BEGAIN: variants seen among roughly 807,000 people sequenced by gnomAD.
BEGAIN encodes the protein brain enriched guanylate kinase associated, also known as brain-enriched guanylate kinase-associated protein.
In BEGAIN, 19 loss-of-function variants were observed where a neutral mutation model predicts 35.8. That is an observed-to-expected ratio of 0.53 (90% CI 0.37 to 0.78). BEGAIN has a LOEUF of 0.78. BEGAIN is among the 30% of genes least tolerant of loss of function. BEGAIN has a pLI of 0.00. For missense variants in BEGAIN, 795 were observed against 853.6 expected (o/e 0.93, Z 0.85); for synonymous variants, 462 against 388.6 (o/e 1.19, Z -2.22).
chr14:100,571,438 C>T (rs533007540), intron 1 of BEGAIN, among the ~76,000 whole-genome samples: 10 of 152,318 alleles, frequency 6.6e-5, no homozygotes, highest in Admixed American at 2.6e-4. Context: ...CCACCCTTTC[C>T]TCTGCTGCTG....
At chr14:100,555,817 G>A (rs2033664172) in intron 2 of BEGAIN, among the ~76,000 whole-genome samples, 1 of 152,194 alleles carries the variant, frequency 6.6e-6, no homozygotes, top group African/African-American at 2.4e-5. Context: ...TGCTGGCACT[G>A]CTCTGGGTTT....
chr14:100,555,000 C>A (rs1299090890), intron 2 of BEGAIN, among the ~76,000 whole-genome samples: 1 of 152,260 alleles, frequency 6.6e-6, no homozygotes, highest in African/African-American at 2.4e-5. Context: ...GTCACACGCT[C>A]ACCCTCTCAG....
At chr14:100,561,092 G>C (rs1438410820) in intron 2 of BEGAIN, among the ~76,000 whole-genome samples, 1 of 152,172 alleles carries the variant, frequency 6.6e-6, no homozygotes, top group African/African-American at 2.4e-5. Context: ...TGAGAAACAG[G>C]CACGTGGCAT....
At chr14:100,566,249 G>A (rs923420423) in intron 2 of BEGAIN, among the ~76,000 whole-genome samples, 2 of 152,232 alleles carry the variant, frequency 1.3e-5, no homozygotes, top group Non-Finnish European at 2.9e-5. Flanking sequence ...GCCCGCCTGG[G>A]ACAGCAACGC....
rs2035446814 is a variant in BEGAIN, at chr14:100,586,447, A to T, written c.42+802T>A. On this transcript the variant is annotated intron_variant, in intron 1 of 6. Coordinates refer to ENST00000554140, the MANE Select transcript of BEGAIN (RefSeq NM_001385089.1). This position sits in a 1 kb window ranked among gnomAD's most constrained non-coding sequence, Gnocchi z 4.9. ...CACTCTGCTCCCATTCTGCCGGCTCAGGAGACTCCAGCGCGTCGCCCACGC... is the reference window on the plus strand; with the variant it reads ...CACTCTGCTCCCATTCTGCCGGCTCTGGAGACTCCAGCGCGTCGCCCACGC... Among the ~76,000 whole-genome samples the T allele has an allele frequency of 6.6e-6, 1 of 152,164 alleles. No homozygotes were observed. The highest frequency in any genetic ancestry group is 1.5e-5 in the Non-Finnish European group (1 of 68,034).
At chr14:100,542,345 C>A (rs915788319) in intron 5 of BEGAIN, among the ~76,000 whole-genome samples, 1 of 152,356 alleles carries the variant, frequency 6.6e-6, no homozygotes, top group East Asian at 1.9e-4. Flanking sequence ...CGCCTGGTGT[C>A]CCCCAGCCTA....
At chr14:100,560,612 C>T (rs2034158314) in intron 2 of BEGAIN, among the ~76,000 whole-genome samples, 1 of 152,100 alleles carries the variant, frequency 6.6e-6, no homozygotes, top group Non-Finnish European at 1.5e-5. Context: ...CACAGAGAAC[C>T]AGCAGTGGCT....
intron 2 of BEGAIN, among the ~76,000 whole-genome samples, chr14:100,559,871 G>A (rs1047070369): frequency 5.3e-5 from 8 of 152,200 alleles, no homozygotes; most frequent in Non-Finnish European, 1.2e-4. Context: ...CTGCAGCTAC[G>A]GGGAGGGTTG....
In BEGAIN at chr14:100,543,306, G is replaced by GTT. The variant is rs541134086; in HGVS notation, c.408+550_408+551dup. Among the ~76,000 whole-genome samples, 351 of 139,738 alleles carry GTT rather than the reference G, an allele frequency of 2.5e-3. 1 individual carries two copies. Among genetic ancestry groups the GTT allele is most frequent in the African/African-American group, 8.8e-3 (339 of 38,412 alleles). The allele number at this position is 139,738 out of a possible 152,430, so 91.7% of individuals were successfully genotyped here. A position where few individuals can be genotyped will look rare whatever the true frequency, so the allele number is the denominator to read the frequency against. ...CGTGGCCAGAGGTGTTTTTTTTTTT[G>GTT]TTTTTTTTTTTGCCTGTGTTGTTCA... On this transcript the variant is annotated intron_variant, in intron 5 of 6. Coordinates refer to ENST00000554140, the MANE Select transcript of BEGAIN (RefSeq NM_001385089.1).
At position 100,538,455 on chromosome 14, in the gene BEGAIN, G is replaced by A. The variant is rs751134338; in HGVS notation, c.1353C>T (p.Pro451=). 1.4e-5 allele frequency: 22 copies of A among 1,587,826 alleles called. No homozygotes were observed. The highest frequency in any genetic ancestry group is 9.5e-5 in the African/African-American group (7 of 73,578). ...SVEDIGAYSY[P]VSAAGRASPC... ...GTGAGGCGCGGCCGGCAGCGCTCAC[G>A]GGGTAGGAGTAGGCGCCGATGTCCT... The change falls in exon 7 of 7, where the codon CCC becomes CCT. Residue 451 remains proline, a synonymous_variant. Transcript: ENST00000554140.
chr14:100,564,999 C>T (rs775833112), intron 2 of BEGAIN, among the ~76,000 whole-genome samples: 9 of 152,198 alleles, frequency 5.9e-5, no homozygotes, highest in African/African-American at 1.7e-4. Flanking sequence ...CCCTGCTTCC[C>T]GGAAGCTCTT....
chr14:100,546,876 GA>G lies in BEGAIN; in HGVS notation c.72-215del. 6.7e-6 allele frequency: 3 copies of G among 447,530 alleles called. No individual in the cohort carries two copies. The South Asian group carries it at 1.1e-4, about 16-fold the overall frequency. 27.7% of individuals were successfully genotyped at this position (447,530 alleles called of 1,614,324 possible). On this transcript the variant is annotated intron_variant, in intron 2 of 6. Coordinates refer to ENST00000554140, the MANE Select transcript of BEGAIN (RefSeq NM_001385089.1). ...ATGGCGCCCCAGAGTCAGGGACTCT[GA>G]CCCTGAGCCAGTCTGGCCTGGGCGG...
intron 4 of BEGAIN, 65 bp downstream of exon 4, chr14:100,544,935 G>A: frequency 1.3e-6 from 2 of 1,539,362 alleles, no homozygotes; most frequent in Non-Finnish European, 8.9e-7. Flanking sequence ...AGGGGTGTCA[G>A]CTGGGTGGCT....
rs1219366463 is a variant in BEGAIN, at chr14:100,568,861, G to T, written c.43-922C>A. 1 of 986,142 alleles carries T rather than the reference G, an allele frequency of 1.0e-6. No homozygotes were observed. Among genetic ancestry groups the T allele is most frequent in the Non-Finnish European group, 1.2e-6 (1 of 830,860 alleles). The allele number at this position is 986,142 out of a possible 1,614,324, so 61.1% of individuals were successfully genotyped here. A position where few individuals can be genotyped will look rare whatever the true frequency, so the allele number is the denominator to read the frequency against. On this transcript the variant is annotated intron_variant, in intron 1 of 6. Transcript: ENST00000554140. The surrounding 1 kb of genome is among the most constrained non-coding windows in gnomAD (Gnocchi z 7.5). ...TTCTGTGCCGTGACTGGCACTCAAG[G>T]GGGACAGGGGTCCGAGCTCAGGGAC...
At chr14:100,544,482 T>C (rs1595111633) in intron 4 of BEGAIN, among the ~76,000 whole-genome samples, 2 of 152,178 alleles carry the variant, frequency 1.3e-5, no homozygotes, top group African/African-American at 4.8e-5. Context: ...TTCATCCTAG[T>C]GAGGGAGTGG....
In BEGAIN at chr14:100,586,713, G is replaced by T. The variant is rs532184133; in HGVS notation, c.42+536C>A. Among the ~76,000 whole-genome samples the T allele has an allele frequency of 1.3e-5, 2 of 152,188 alleles. No homozygotes were observed. Among genetic ancestry groups the T allele is most frequent in the African/African-American group, 4.8e-5 (2 of 41,462 alleles). On this transcript the variant is annotated intron_variant, in intron 1 of 6. Transcript: ENST00000554140. The surrounding 1 kb of genome is among the most constrained non-coding windows in gnomAD (Gnocchi z 4.9). ...TAGTACCTGCCGCGAGGTACTGAAT[G>T]GGATGGTGGTGTCCGAGGTTCGTGC...
At chr14:100,544,063 T>C in intron 4 of BEGAIN, 98 bp from the exon 5 acceptor site, 2 of 854,090 alleles carry the variant, frequency 2.3e-6, no homozygotes, top group Non-Finnish European at 3.7e-6. Context: ...CTTGTAGCCA[T>C]GAGTGACAAG....
At chr14:100,547,283 A>C (rs1055149498) in intron 2 of BEGAIN, 1 of 152,292 alleles carries the variant, frequency 6.6e-6, no homozygotes, top group African/African-American at 2.4e-5. Context: ...ATGAGGCTGC[A>C]TGCAGCACGG....
In BEGAIN at chr14:100,587,198, C is replaced by A. The variant is rs923038524; in HGVS notation, c.42+51G>T. ...CCCCAGGCGTGGGTGGCGCCCGCCC[C>A]GCCTCCGCGCCCGCGCCCGCGCCCT... is the stretch of plus-strand genomic sequence containing the variant. On this transcript the variant is annotated intron_variant, in intron 1 of 6. Transcript: ENST00000554140. The A allele has an allele frequency of 3.4e-5, 6 of 178,472 alleles. No homozygotes were observed. The Admixed American group carries it at 3.8e-4, about 11-fold the overall frequency. The allele number at this position is 178,472 out of a possible 1,614,324, so 11.1% of individuals were successfully genotyped here. A position where few individuals can be genotyped will look rare whatever the true frequency, so the allele number is the denominator to read the frequency against.
Sources: gnomAD v4.1 joint callset for allele counts (sites outside exome capture counted in the v4.1 genomes callset) on GRCh38, gnomAD v4.1.1 for gene constraint, Gnocchi (gnomAD v3.1) non-coding constraint, MANE v1.5 for transcripts, NCBI Gene and HGNC (gene_info 2026-07-23, HGNC 2026-07-21) for gene names.